The following SPATA45 variants were observed in gnomAD, a reference collection of about 807,000 sequenced individuals.
SPATA45 encodes the protein spermatogenesis-associated protein 45.
In SPATA45, 5 loss-of-function variants were observed where a neutral mutation model predicts 7.0. That is an observed-to-expected ratio of 0.71 (90% CI 0.37 to 1.50). The LOEUF is 1.50. Ranked by LOEUF, SPATA45 falls within the 40% of genes most tolerant of loss-of-function variation. The pLI is 0.03. For missense variants in SPATA45, 111 were observed against 114.9 expected, an observed-to-expected ratio of 0.97 and a Z score of 0.16; for synonymous variants, 40 against 38.7, an observed-to-expected ratio of 1.03 and a Z score of -0.13.
intron 1 of SPATA45, among the ~76,000 whole-genome samples, chr1:212,836,666 T>C (rs1663591642): frequency 6.6e-6 from 1 of 150,996 alleles, no homozygotes. Context: ...TTTTATTTTT[T>C]GAGATGGAGT....
chr1:212,830,246 C>G lies in SPATA45; in HGVS notation c.293G>C (p.Gly98Ala). ...GTGTGTCTCTGGAGATGCACTTTAT[C>G]CAAATATGGCATTATCTGAAAAAAT... ...HFPPKNNAIF[G>A] The change falls in exon 3 of 3, where the codon GGA becomes GCA. Residue 98 changes from glycine to alanine, a missense_variant. Transcript: ENST00000332912. The G allele has an allele frequency of 6.6e-7, 1 of 1,521,754 alleles. No individual in the cohort carries two copies. Among genetic ancestry groups the G allele is most frequent in the Non-Finnish European group, 9.0e-7 (1 of 1,105,614 alleles). The allele number at this position is 1,521,754 out of a possible 1,614,324, so 94.3% of individuals were successfully genotyped here. A position where few individuals can be genotyped will look rare whatever the true frequency, so the allele number is the denominator to read the frequency against.
At chr1:212,834,131 C>T (rs1460901662) in intron 2 of SPATA45, among the ~76,000 whole-genome samples, 1 of 151,682 alleles carries the variant, frequency 6.6e-6, no homozygotes, top group African/African-American at 2.4e-5. Flanking sequence ...CTTTCTACAC[C>T]ACACTGTATC....
chr1:212,844,216 T>G (rs1045398823), intron 1 of SPATA45, among the ~76,000 whole-genome samples: 5 of 152,188 alleles, frequency 3.3e-5, no homozygotes, highest in African/African-American at 1.2e-4. Context: ...TGCTGCTGCT[T>G]TAATACTTTT....
chr1:212,842,030 G>A (rs1344440893), intron 1 of SPATA45, among the ~76,000 whole-genome samples: 1 of 151,760 alleles, frequency 6.6e-6, no homozygotes, highest in East Asian at 1.9e-4. Flanking sequence ...CAAATTGCTG[G>A]GATTACAGGC....
intron 1 of SPATA45, among the ~76,000 whole-genome samples, chr1:212,846,132 C>T (rs563652761): frequency 2.0e-5 from 3 of 152,252 alleles, no homozygotes; most frequent in African/African-American, 7.2e-5. Flanking sequence ...AAACCACATC[C>T]AGGTCATCAC....
In SPATA45 at chr1:212,830,342, G is replaced by C. The variant is rs547092300; in HGVS notation, c.278-81C>G. 40 of 847,278 alleles carry C rather than the reference G, an allele frequency of 4.7e-5. No homozygotes were observed. The African/African-American group carries it at 6.4e-4, about 13-fold the overall frequency. The allele number at this position is 847,278 out of a possible 1,614,324, so 52.5% of individuals were successfully genotyped here. A position where few individuals can be genotyped will look rare whatever the true frequency, so the allele number is the denominator to read the frequency against. On this transcript the variant is annotated intron_variant, in intron 2 of 2. Transcript: ENST00000332912. ...GTTTTTAAAATAACCCTGGAGGGCA[G>C]AGTATTGTTTTTCAGATACAGGAAC...
At chr1:212,840,832 A>G (rs1414825277) in intron 1 of SPATA45, among the ~76,000 whole-genome samples, 1 of 151,496 alleles carries the variant, frequency 6.6e-6, no homozygotes, top group Non-Finnish European at 1.5e-5. Context: ...GTTAGCCAGG[A>G]TGGACTCGAT....
chr1:212,841,788 C>T (rs1663690688), intron 1 of SPATA45, among the ~76,000 whole-genome samples: 1 of 152,060 alleles, frequency 6.6e-6, no homozygotes, highest in African/African-American at 2.4e-5. Context: ...AATGGAGTCT[C>T]ACTCTGTCAC....
At chr1:212,842,541 A>G (rs1398867043) in intron 1 of SPATA45, among the ~76,000 whole-genome samples, 1 of 152,252 alleles carries the variant, frequency 6.6e-6, no homozygotes, top group Non-Finnish European at 1.5e-5. Flanking sequence ...AGACACAGTA[A>G]TAGAGTCTAG....
Position 212,836,081 on chromosome 1 carries a change from C to T in SPATA45, c.69G>A (p.Glu23=), listed in dbSNP as rs768292082. ...KHGVSKQHLL[E]EINKKRESNC... ...TGGATTCACGCTTTTTGTTTATCTC[C>T]TCCAGGAGATGTTGTTTGCTTACTC... Residue 23 remains glutamate, a synonymous_variant, in exon 2 of 3, where the codon GAG becomes GAA. Coordinates refer to ENST00000332912, the MANE Select transcript of SPATA45 (RefSeq NM_001024601.3). 5 of 1,608,048 alleles carry T rather than the reference C, an allele frequency of 3.1e-6. No individual in the cohort carries two copies. The highest frequency in any genetic ancestry group is 3.4e-6 in the Non-Finnish European group (4 of 1,175,002).
intron 1 of SPATA45, 29 bp from the exon 2 acceptor site, chr1:212,836,216 T>C (rs978156054): frequency 1.4e-6 from 2 of 1,444,906 alleles, no homozygotes; most frequent in South Asian, 1.3e-5. Context: ...ATACTTTCAA[T>C]TGTCTTTTTG....
At chr1:212,831,084 G>T (rs1663478548) in intron 2 of SPATA45, among the ~76,000 whole-genome samples, 1 of 150,968 alleles carries the variant, frequency 6.6e-6, no homozygotes, top group East Asian at 1.9e-4. Context: ...AGGTTGCAGT[G>T]AGCCAAGATC....
At chr1:212,838,904 A>G (rs1393479172) in intron 1 of SPATA45, among the ~76,000 whole-genome samples, 1 of 150,972 alleles carries the variant, frequency 6.6e-6, no homozygotes, top group Non-Finnish European at 1.5e-5. Flanking sequence ...AGGTCTCATT[A>G]TGTTCCTAAG....
At chr1:212,830,672 CAAA>C (rs35293333) in intron 2 of SPATA45, among the ~76,000 whole-genome samples, 5 of 135,690 alleles carry the variant, frequency 3.7e-5, no homozygotes, top group Admixed American at 7.6e-5. Flanking sequence ...ACTCCGACTC[CAAA>C]AAAAAAAAAA....
At position 212,830,210 on chromosome 1, in the gene SPATA45, A is replaced by C; in HGVS notation, c.*32T>G. On this transcript the variant is annotated 3_prime_UTR_variant, in exon 3 of 3. Coordinates refer to ENST00000332912, the MANE Select transcript of SPATA45 (RefSeq NM_001024601.3). ...GACACACTGAAGAAGAATCAAAGAG[A>C]ATGTATTTCCGTGTGTCTCTGGAGA... The C allele has an allele frequency of 6.8e-7, 1 of 1,475,562 alleles. No homozygotes were observed. The allele number at this position is 1,475,562 out of a possible 1,614,324, so 91.4% of individuals were successfully genotyped here.
rs2102507101 is a variant in SPATA45 at position 212,832,243 on chromosome 1, A to G, written c.278-1982T>C. On this transcript the variant is annotated intron_variant, in intron 2 of 2. Coordinates refer to ENST00000332912, the MANE Select transcript of SPATA45 (RefSeq NM_001024601.3). ...GGTCTCGAACTCCTGACCTCAGGTGATCCACTCGCCTCGGCCTCCCAAAAT... is the reference window on the plus strand; with the variant it reads ...GGTCTCGAACTCCTGACCTCAGGTGGTCCACTCGCCTCGGCCTCCCAAAAT... 1.3e-5 allele frequency among the ~76,000 whole-genome samples: 2 copies of G among 148,902 alleles called. 1 individual carries two copies. The highest frequency in any genetic ancestry group is 4.3e-4 in the South Asian group (2 of 4,620).
At chr1:212,838,369 G>A (rs999362864) in intron 1 of SPATA45, among the ~76,000 whole-genome samples, 21 of 150,802 alleles carry the variant, frequency 1.4e-4, no homozygotes, top group African/African-American at 5.1e-4. Flanking sequence ...ATACTACAAT[G>A]AGATATCACT....
At chr1:212,830,915 G>A (rs1663475012) in intron 2 of SPATA45, among the ~76,000 whole-genome samples, 1 of 151,276 alleles carries the variant, frequency 6.6e-6, no homozygotes, top group Non-Finnish European at 1.5e-5. Flanking sequence ...CCCGGGAGGT[G>A]GAGGTTGCAG....
At chr1:212,842,818 G>C (rs1663711919) in intron 1 of SPATA45, among the ~76,000 whole-genome samples, 1 of 152,074 alleles carries the variant, frequency 6.6e-6, no homozygotes, top group African/African-American at 2.4e-5. Context: ...GCTGGGCGTG[G>C]TGGCTCACGC....
Sources: allele counts gnomAD v4.1 joint callset (sites outside exome capture counted in the v4.1 genomes callset), GRCh38; gene constraint gnomAD v4.1.1; transcripts MANE v1.5; gene names NCBI Gene and HGNC (gene_info 2026-07-23, HGNC 2026-07-21).